ACOT11: variants seen among roughly 807,000 people sequenced by gnomAD.
ACOT11 encodes acyl-coenzyme A thioesterase 11.
ACOT11 carries 69 observed loss-of-function variants against 77.5 expected under a neutral mutation model. The observed-to-expected ratio is 0.89, with a 90% CI of 0.73 to 1.09. The LOEUF (loss-of-function observed/expected upper bound fraction) is 1.09. Among genes scored for constraint, ACOT11 ranks in the 50% least tolerant of loss-of-function variants. The pLI is 0.00. For missense variants in ACOT11, 766 were observed against 813.7 expected, an observed-to-expected ratio of 0.94 and a Z score of 0.71; for synonymous variants, 279 against 313.0, an observed-to-expected ratio of 0.89 and a Z score of 1.15.
rs190207909 is a variant in ACOT11 at position 54,595,451 on chromosome 1, A to G, written c.607+760A>G. The stretch of plus-strand genomic sequence containing the variant: ...TATGCGTACACTCACACACACGTAT[A>G]TATATTCTCACCCCTCAAAAGATAA... On this transcript the variant is annotated intron_variant, in intron 6 of 15. Coordinates refer to ENST00000343744, the MANE Select transcript of ACOT11 (RefSeq NM_147161.4). Among the ~76,000 whole-genome samples the G allele has an allele frequency of 1.1e-4, 16 of 152,286 alleles. No homozygotes were observed. In the East Asian group the frequency reaches 2.7e-3, roughly 26 times the overall value.
At chr1:54,548,538 C>G (rs984656129) in intron 1 of ACOT11, 196 bp downstream of exon 1, 7 of 691,810 alleles carry the variant, frequency 1.0e-5, no homozygotes, top group Non-Finnish European at 1.7e-5. Flanking sequence ...AAACAAGCCC[C>G]AGGGGCTGTC....
intron 1 of ACOT11, among the ~76,000 whole-genome samples, chr1:54,557,632 C>T (rs758164508): frequency 5.9e-4 from 90 of 151,916 alleles, no homozygotes; most frequent in Non-Finnish European, 8.8e-4. Flanking sequence ...TTTTATTTTT[C>T]GTAGCTATTG....
At chr1:54,575,074 C>A (rs1006327605) in intron 1 of ACOT11, among the ~76,000 whole-genome samples, 2 of 152,110 alleles carry the variant, frequency 1.3e-5, no homozygotes, top group African/African-American at 4.8e-5. Flanking sequence ...ACAGAGAGCC[C>A]CCTGGGGCTC....
At chr1:54,630,654 C>T in intron 15 of ACOT11, 1 of 542,820 alleles carries the variant, frequency 1.8e-6, no homozygotes, top group Non-Finnish European at 3.4e-6. Context: ...GTTCCGGGCT[C>T]TCAGCTCTGA....
chr1:54,612,771 G>C, downstream of ACOT11: 1 of 1,305,776 alleles, frequency 7.7e-7, no homozygotes, highest in Non-Finnish European at 1.1e-6. Flanking sequence ...CTCTCCTCTG[G>C]GGTCTCATCA....
At chr1:54,562,682 T>A (rs1311380050) in intron 1 of ACOT11, among the ~76,000 whole-genome samples, 6 of 101,366 alleles carry the variant, frequency 5.9e-5, no homozygotes, top group African/African-American at 8.2e-5. Flanking sequence ...GTCTCCTCAC[T>A]TCTCAGACGG....
downstream of ACOT11, chr1:54,614,961 C>A: frequency 8.4e-7 from 1 of 1,196,902 alleles, no homozygotes; most frequent in Non-Finnish European, 1.2e-6. Context: ...TGTGCATGTG[C>A]GTGCACAGTG....
At chr1:54,635,573 A>C (rs1644326260) in exon 17 of ACOT11, 4 of 211,712 alleles carry the variant, frequency 1.9e-5, no homozygotes, top group Non-Finnish European at 3.7e-5. Flanking sequence ...CATCCCGGGC[A>C]ACCTGACCTT....
chr1:54,610,746 G>A, downstream of ACOT11: 2 of 981,060 alleles, frequency 2.0e-6, no homozygotes, highest in Non-Finnish European at 2.4e-6. Flanking sequence ...TAAGCAGTAA[G>A]CAAAGTTGCC....
chr1:54,620,123 G>T (rs1644215458), intron 15 of ACOT11: 2 of 1,073,074 alleles, frequency 1.9e-6, no homozygotes, highest in Non-Finnish European at 1.3e-6. Context: ...CCATCTGGCA[G>T]AGGGACGGTG....
chr1:54,601,234 CT>C (rs747717982), intron 8 of ACOT11, 34 bp from the exon 9 acceptor site: 1 of 1,596,236 alleles, frequency 6.3e-7, no homozygotes, highest in Non-Finnish European at 8.5e-7. Flanking sequence ...TTGGGAAGGT[CT>C]GTCCAGGTTG....
chr1:54,607,568 T>G lies in ACOT11; in HGVS notation c.1502+303T>G, dbSNP rs778420147. On this transcript the variant is annotated intron_variant, in intron 14 of 15. Coordinates refer to ENST00000343744, the MANE Select transcript of ACOT11 (RefSeq NM_147161.4). The surrounding 1 kb of genome is among the most constrained non-coding windows in gnomAD (Gnocchi z 4.5). ...GATATTTCTCACGTGGCCACCTCCT[T>G]GGCCTCCTCCCTCTGACAGCCCTGT... 6.6e-6 allele frequency among the ~76,000 whole-genome samples: 1 copy of G among 152,110 alleles called. No homozygotes were observed. Among genetic ancestry groups the G allele is most frequent in the Non-Finnish European group, 1.5e-5 (1 of 67,994 alleles).
chr1:54,610,920 G>C, downstream of ACOT11: 1 of 985,368 alleles, frequency 1.0e-6, no homozygotes, highest in Non-Finnish European at 1.2e-6. Flanking sequence ...TGAGGGGTTT[G>C]GATAGTGGCA....
At chr1:54,595,477 A>G (rs916999640) in intron 6 of ACOT11, among the ~76,000 whole-genome samples, 1 of 152,132 alleles carries the variant, frequency 6.6e-6, no homozygotes, top group Non-Finnish European at 1.5e-5. Flanking sequence ...CAAAAGATAA[A>G]ATAAAAAGCA....
At chr1:54,548,619 G>C in intron 1 of ACOT11, 1 of 555,482 alleles carries the variant, frequency 1.8e-6, no homozygotes, top group Non-Finnish European at 3.2e-6. Context: ...AATTCTATTC[G>C]GTGGGTGTAT....
chr1:54,563,358 A>G (rs113733624), intron 1 of ACOT11, among the ~76,000 whole-genome samples: 4,479 of 152,238 alleles, frequency 0.029, 191 homozygotes, highest in African/African-American at 0.1. Context: ...TCTCAGCTCC[A>G]TCGCTCACCG....
chr1:54,593,984 A>G lies in ACOT11; in HGVS notation c.416A>G (p.Gln139Arg). 1 of 1,614,192 alleles carries G rather than the reference A, an allele frequency of 6.2e-7. No individual in the cohort carries two copies. Residue 139 changes from glutamine to arginine, a missense_variant, in exon 5 of 16, where the codon CAG (glutamine) becomes CGG (arginine). Transcript: ENST00000343744. ...TCGGAGGACCTGTGCTCTGAGAAGC[A>G]GTGGAATGTGTGCAAGGCCTTGGCC... ...VASEDLCSEKQWNVCKALATF... is the reference protein window; with the variant it reads ...VASEDLCSEKRWNVCKALATF...
chr1:54,618,095 G>A (rs1042009716), intron 15 of ACOT11, among the ~76,000 whole-genome samples: 11 of 152,140 alleles, frequency 7.2e-5, no homozygotes, highest in Non-Finnish European at 1.3e-4. Context: ...CACACGTTGG[G>A]TAGCAAGGCT....
Position 54,610,129 on chromosome 1 carries a change from T to A in ACOT11, c.*1017T>A. ...TAAATGTGCCTGGTGCATGAGAAACTCTTGTTTCAGCTCTTGGCCTTTACC... is the reference window on the plus strand; with the variant it reads ...TAAATGTGCCTGGTGCATGAGAAACACTTGTTTCAGCTCTTGGCCTTTACC... On this transcript the variant is annotated 3_prime_UTR_variant, in exon 16 of 16. Coordinates refer to ENST00000343744, the MANE Select transcript of ACOT11 (RefSeq NM_147161.4). 7.0e-7 allele frequency: 1 copy of A among 1,433,014 alleles called. No individual in the cohort carries two copies. Among genetic ancestry groups the A allele is most frequent in the Non-Finnish European group, 9.1e-7 (1 of 1,099,134 alleles). 88.8% of individuals were successfully genotyped at this position (1,433,014 alleles called of 1,614,324 possible).
Sources: gnomAD v4.1 joint callset for allele counts (sites outside exome capture counted in the v4.1 genomes callset) on GRCh38, gnomAD v4.1.1 for gene constraint, Gnocchi (gnomAD v3.1) non-coding constraint, MANE v1.5 for transcripts, NCBI Gene and HGNC (gene_info 2026-07-23, HGNC 2026-07-21) for gene names.